PIBF1: variants seen among roughly 807,000 people sequenced by gnomAD.
PIBF1 encodes the protein progesterone-induced-blocking factor 1.
A neutral mutation model predicts 112.5 loss-of-function variants in PIBF1; 90 were observed. The observed-to-expected ratio is 0.80, with a 90% CI of 0.67 to 0.95. The LOEUF is 0.95. Among genes scored for constraint, PIBF1 ranks in the 40% least tolerant of loss-of-function variants. The pLI, the probability that PIBF1 is intolerant of heterozygous loss-of-function variation, is 0.00. For synonymous variants in PIBF1, 301 were observed against 288.6 expected, an observed-to-expected ratio of 1.04 and a Z score of -0.44; for missense variants, 915 against 852.3, an observed-to-expected ratio of 1.07 and a Z score of -0.92.
intron 14 of PIBF1, among the ~76,000 whole-genome samples, chr13:72,958,182 G>GC (rs2042501584): frequency 6.6e-6 from 1 of 151,388 alleles, no homozygotes; most frequent in African/African-American, 2.4e-5. Context: ...TCTAGATCCT[G>GC]CCCTCAGAGG....
rs555521748 is a variant in PIBF1, at chr13:72,982,155, TG to T, written c.2049+8481del. On this transcript the variant is annotated intron_variant, in intron 16 of 17. Coordinates refer to ENST00000326291, the MANE Select transcript of PIBF1 (RefSeq NM_006346.4). ...GTCTTTTTAAATATTATCTATCATTTGAGACTGGGCACGGTGGCTCCTACCT... is the reference window on the plus strand; with the variant it reads ...GTCTTTTTAAATATTATCTATCATTTAGACTGGGCACGGTGGCTCCTACCT... 2.6e-5 allele frequency among the ~76,000 whole-genome samples: 4 copies of T among 152,330 alleles called. No homozygotes were observed. In the East Asian group the frequency reaches 5.8e-4, roughly 22 times the overall value.
intron 11 of PIBF1, among the ~76,000 whole-genome samples, chr13:72,904,269 T>C (rs2040602157): frequency 6.6e-6 from 1 of 151,812 alleles, no homozygotes; most frequent in Non-Finnish European, 1.5e-5. Context: ...GTTATTCAAT[T>C]AGAAGCCTTT....
At chr13:72,821,547 T>C (rs1392314292) in intron 5 of PIBF1, among the ~76,000 whole-genome samples, 1 of 152,198 alleles carries the variant, frequency 6.6e-6, no homozygotes, top group African/African-American at 2.4e-5. Flanking sequence ...TAAATGTTTT[T>C]AAAAAGTCAT....
chr13:72,816,512 A>G (rs960003865), intron 5 of PIBF1, among the ~76,000 whole-genome samples: 8 of 151,916 alleles, frequency 5.3e-5, no homozygotes, highest in African/African-American at 1.9e-4. Flanking sequence ...AAATACAAAA[A>G]ACTAACTGAG....
chr13:72,881,544 C>T lies in PIBF1; in HGVS notation c.1323-12240C>T, dbSNP rs987342861. ...CAGCCTGGCCAACATGGTGAAACCCCGTTTCTACTAAAAATACAAAAATTA... is the reference window on the plus strand; with the variant it reads ...CAGCCTGGCCAACATGGTGAAACCCTGTTTCTACTAAAAATACAAAAATTA... On this transcript the variant is annotated intron_variant, in intron 10 of 17. Coordinates refer to ENST00000326291, the MANE Select transcript of PIBF1 (RefSeq NM_006346.4). 2.0e-4 allele frequency among the ~76,000 whole-genome samples: 31 copies of T among 151,836 alleles called. 1 individual carries two copies. The highest frequency in any genetic ancestry group is 7.0e-4 in the African/African-American group (29 of 41,412).
chr13:72,904,159 C>T (rs989506297), intron 11 of PIBF1, among the ~76,000 whole-genome samples: 1 of 151,014 alleles, frequency 6.6e-6, no homozygotes, highest in African/African-American at 2.4e-5. Flanking sequence ...GCATTTTAAT[C>T]TTCCAATTTT....
chr13:73,000,175 C>T (rs1409599938), intron 17 of PIBF1, among the ~76,000 whole-genome samples: 2 of 152,224 alleles, frequency 1.3e-5, no homozygotes, highest in Non-Finnish European at 2.9e-5. Flanking sequence ...TGAGTCCATG[C>T]ATCTTTTCCT....
At chr13:72,786,771 T>A (rs1471295330) in intron 2 of PIBF1, among the ~76,000 whole-genome samples, 1 of 152,156 alleles carries the variant, frequency 6.6e-6, no homozygotes, top group Non-Finnish European at 1.5e-5. Context: ...ATTAGTAGAG[T>A]TTTTTTCTCT....
intron 15 of PIBF1, chr13:72,969,645 C>G (rs74853941): frequency 1.6e-4 from 24 of 152,276 alleles, no homozygotes; most frequent in Admixed American, 6.5e-4. Context: ...GATCACAGTT[C>G]TGTATACCCA....
At chr13:72,856,838 A>C (rs1248871272) in intron 10 of PIBF1, among the ~76,000 whole-genome samples, 1 of 152,160 alleles carries the variant, frequency 6.6e-6, no homozygotes, top group Non-Finnish European at 1.5e-5. Context: ...TCATGTCAAA[A>C]TTTTCAAATG....
chr13:72,816,389 T>C (rs1566307062), intron 5 of PIBF1, among the ~76,000 whole-genome samples: 1 of 152,182 alleles, frequency 6.6e-6, no homozygotes, highest in Non-Finnish European at 1.5e-5. Context: ...ACGCCTGTAA[T>C]CCCACTTTGG....
chr13:72,905,666 A>G (rs767681996), intron 11 of PIBF1, among the ~76,000 whole-genome samples: 7 of 152,130 alleles, frequency 4.6e-5, no homozygotes, highest in Non-Finnish European at 1.0e-4. Context: ...TCTCCCACAC[A>G]TCCTTTTTTT....
chr13:72,799,250 A>G (rs1271637524), intron 5 of PIBF1, among the ~76,000 whole-genome samples: 1 of 152,252 alleles, frequency 6.6e-6, no homozygotes, highest in African/African-American at 2.4e-5. Context: ...ACAAACATTT[A>G]TGTCCTATTT....
chr13:72,981,094 A>C (rs1418146165), intron 16 of PIBF1, among the ~76,000 whole-genome samples: 4 of 150,972 alleles, frequency 2.6e-5, no homozygotes, highest in African/African-American at 9.7e-5. Flanking sequence ...AAAACACAAA[A>C]ATTCGCCGGG....
chr13:72,954,932 A>G (rs1013684884), intron 14 of PIBF1, among the ~76,000 whole-genome samples: 2 of 152,186 alleles, frequency 1.3e-5, no homozygotes, highest in African/African-American at 4.8e-5. Context: ...CAGTACTCCC[A>G]GTATCTGCAG....
At chr13:72,870,670 T>A (rs1456243703) in intron 10 of PIBF1, among the ~76,000 whole-genome samples, 1 of 152,126 alleles carries the variant, frequency 6.6e-6, no homozygotes, top group Non-Finnish European at 1.5e-5. Flanking sequence ...AGAAGTCTGT[T>A]GTAGGCTGTG....
chr13:72,905,607 A>G (rs2040675439), intron 11 of PIBF1, among the ~76,000 whole-genome samples: 1 of 152,134 alleles, frequency 6.6e-6, no homozygotes, highest in African/African-American at 2.4e-5. Context: ...CTTTTTTCCT[A>G]TACTTTCTTC....
intron 5 of PIBF1, among the ~76,000 whole-genome samples, chr13:72,808,492 T>C (rs1283320584): frequency 2.6e-5 from 4 of 152,222 alleles, no homozygotes; most frequent in Non-Finnish European, 5.9e-5. Context: ...CTGCATTTTA[T>C]GTACCTCTAA....
At chr13:73,009,246 G>A (rs951318513) in intron 17 of PIBF1, among the ~76,000 whole-genome samples, 8 of 152,258 alleles carry the variant, frequency 5.3e-5, no homozygotes, top group Non-Finnish European at 8.8e-5. Flanking sequence ...GAACTTAGTC[G>A]TGTGGCCACA....
Sources: gnomAD v4.1 joint callset for allele counts (sites outside exome capture counted in the v4.1 genomes callset) on GRCh38, gnomAD v4.1.1 for gene constraint, MANE v1.5 for transcripts, NCBI Gene and HGNC (gene_info 2026-07-23, HGNC 2026-07-21) for gene names.